SMYD3: variants seen among roughly 807,000 people sequenced by gnomAD.
SMYD3 encodes histone-lysine N-methyltransferase SMYD3.
Under a neutral mutation model 57.7 loss-of-function variants are expected in SMYD3, and 36 were observed. That is an observed-to-expected ratio of 0.62 (90% confidence interval 0.48 to 0.82). The LOEUF is 0.82. Among genes scored for constraint, SMYD3 ranks in the 40% least tolerant of loss-of-function variants. SMYD3 has a pLI of 0.00. For synonymous variants in SMYD3, 211 were observed against 195.0 expected (o/e 1.08, Z -0.68); for missense variants, 515 against 538.8 (o/e 0.96, Z 0.44).
chr1:246,470,568 C>CTA (rs1252655221), intron 1 of SMYD3, among the ~76,000 whole-genome samples: 3 of 148,436 alleles, frequency 2.0e-5, no homozygotes, highest in African/African-American at 7.4e-5. Context: ...TATATACACA[C>CTA]TATATATATA....
chr1:246,312,296 A>G (rs144700152), intron 5 of SMYD3, among the ~76,000 whole-genome samples: 1 of 152,294 alleles, frequency 6.6e-6, no homozygotes, highest in African/African-American at 2.4e-5. Flanking sequence ...TTTTTTTTCA[A>G]TTATCTCTAA....
intron 5 of SMYD3, among the ~76,000 whole-genome samples, chr1:246,010,333 T>C (rs1259124987): frequency 6.6e-6 from 1 of 152,102 alleles, no homozygotes; most frequent in Non-Finnish European, 1.5e-5. Context: ...CCTTCATCAG[T>C]TCACTACCAG....
chr1:246,101,812 T>C (rs1261003937), intron 5 of SMYD3, among the ~76,000 whole-genome samples: 1 of 152,246 alleles, frequency 6.6e-6, no homozygotes, highest in African/African-American at 2.4e-5. Flanking sequence ...AAGTGACACA[T>C]AAATTGCCTC....
chr1:246,162,274 G>T (rs527522657), intron 5 of SMYD3, among the ~76,000 whole-genome samples: 1 of 152,284 alleles, frequency 6.6e-6, no homozygotes, highest in South Asian at 2.1e-4. Context: ...CTAGAACTAG[G>T]TTAAGCTAAC....
chr1:246,117,193 A>C (rs2061354144), intron 5 of SMYD3, among the ~76,000 whole-genome samples: 1 of 152,240 alleles, frequency 6.6e-6, no homozygotes, highest in South Asian at 2.1e-4. Context: ...GTATAAATGG[A>C]CAAGTAGAAA....
At chr1:246,079,728 A>C in intron 5 of SMYD3, among the ~76,000 whole-genome samples, 1 of 152,220 alleles carries the variant, frequency 6.6e-6, no homozygotes, top group East Asian at 1.9e-4. Flanking sequence ...CAATGCAAAA[A>C]CAAAATAAAA....
chr1:246,235,430 C>T (rs10924583), intron 5 of SMYD3, among the ~76,000 whole-genome samples: 31,585 of 152,030 alleles, frequency 0.21, 4,002 homozygotes, highest in East Asian at 0.58. Context: ...AAATACAACC[C>T]GACTCTCAAA....
intron 10 of SMYD3, among the ~76,000 whole-genome samples, chr1:245,842,718 T>C (rs1476203663): frequency 6.6e-6 from 1 of 152,056 alleles, no homozygotes; most frequent in Non-Finnish European, 1.5e-5. Flanking sequence ...TTTATTTTAC[T>C]TTTTTTTAGA....
chr1:246,301,020 T>G (rs2064884520), intron 5 of SMYD3, among the ~76,000 whole-genome samples: 1 of 152,114 alleles, frequency 6.6e-6, no homozygotes. Flanking sequence ...TAGTTCAGCT[T>G]TGTAGAGATA....
chr1:245,760,782 A>G lies in SMYD3; in HGVS notation c.1185+3259T>C, dbSNP rs1269073821. ...AACATAATTGTTCACCAGAGGAACC[A>G]CCGTGTACCCCAAACTACAAACACA... On this transcript the variant is annotated intron_variant, in intron 11 of 11. Transcript: ENST00000490107. Among the ~76,000 whole-genome samples, 4 of 152,170 alleles carry G rather than the reference A, an allele frequency of 2.6e-5. No homozygotes were observed. In the South Asian group the frequency reaches 8.3e-4, roughly 31 times the overall value.
At chr1:245,928,444 G>A (rs1028766759) in intron 6 of SMYD3, among the ~76,000 whole-genome samples, 1 of 152,134 alleles carries the variant, frequency 6.6e-6, no homozygotes, top group Non-Finnish European at 1.5e-5. Flanking sequence ...AGCCGAGGTG[G>A]GTGGATCATT....
intron 5 of SMYD3, among the ~76,000 whole-genome samples, chr1:246,088,338 G>A (rs2060756738): frequency 6.6e-6 from 1 of 151,878 alleles, no homozygotes; most frequent in South Asian, 2.1e-4. Flanking sequence ...TAAAAGTTAA[G>A]AGTAATCACG....
intron 2 of SMYD3, among the ~76,000 whole-genome samples, chr1:246,352,441 G>T (rs753866963): frequency 1.1e-4 from 17 of 152,084 alleles, no homozygotes; most frequent in Non-Finnish European, 1.5e-5. Context: ...ATTTAATTTT[G>T]CGTAGTTTTG....
chr1:246,281,173 T>C (rs192058570), intron 5 of SMYD3, among the ~76,000 whole-genome samples: 15 of 152,326 alleles, frequency 9.8e-5, no homozygotes, highest in African/African-American at 2.2e-4. Context: ...TAGCATATCA[T>C]TGGACACCAC....
At position 245,809,405 on chromosome 1, in the gene SMYD3, T is replaced by C. The variant is rs116467315; in HGVS notation, c.1077-45256A>G. On this transcript the variant is annotated intron_variant, in intron 10 of 11. Transcript: ENST00000490107. Reference sequence around the variant, plus strand: ...CAGGGACCAATAGCACCCACCTCAGTTGGGACCCACAGAGAAAGCAGGAGA... The same window carrying C: ...CAGGGACCAATAGCACCCACCTCAGCTGGGACCCACAGAGAAAGCAGGAGA... Among the ~76,000 whole-genome samples, 835 of 152,246 alleles carry C rather than the reference T, an allele frequency of 5.5e-3. 14 individuals are homozygous for C. Among genetic ancestry groups the C allele is most frequent in the African/African-American group, 0.019 (797 of 41,552 alleles).
At chr1:246,071,651 G>A (rs1275273035) in intron 5 of SMYD3, among the ~76,000 whole-genome samples, 5 of 152,128 alleles carry the variant, frequency 3.3e-5, no homozygotes, top group African/African-American at 4.8e-5. Flanking sequence ...GCCTGAAGTC[G>A]AAATCTCTGA....
At chr1:246,248,418 T>C (rs2063742997) in intron 5 of SMYD3, among the ~76,000 whole-genome samples, 2 of 152,238 alleles carry the variant, frequency 1.3e-5, no homozygotes, top group Non-Finnish European at 2.9e-5. Context: ...TTGAAATGTC[T>C]CCCAACAGAG....
At chr1:246,296,458 C>A (rs911904457) in intron 5 of SMYD3, among the ~76,000 whole-genome samples, 1 of 152,158 alleles carries the variant, frequency 6.6e-6, no homozygotes. Context: ...ACATTCATGA[C>A]AGAAGAAACT....
At chr1:246,166,594 G>T (rs923248290) in intron 5 of SMYD3, among the ~76,000 whole-genome samples, 1 of 152,118 alleles carries the variant, frequency 6.6e-6, no homozygotes. Context: ...GTCTCGGCTG[G>T]AGTCTGGGAA....
Sources: gnomAD v4.1 joint callset for allele counts (sites outside exome capture counted in the v4.1 genomes callset) on GRCh38, gnomAD v4.1.1 for gene constraint, MANE v1.5 for transcripts, NCBI Gene and HGNC (gene_info 2026-07-23, HGNC 2026-07-21) for gene names.